Variants in DPP10 observed in about 807,000 individuals in gnomAD.
The protein encoded by DPP10 is inactive dipeptidyl peptidase 10.
Under a neutral mutation model 120.9 loss-of-function variants are expected in DPP10, and 33 were observed. The observed-to-expected ratio is 0.27, with a 90% CI of 0.21 to 0.37. The LOEUF (loss-of-function observed/expected upper bound fraction) is 0.37, where lower values mean the gene tolerates loss of function less well. DPP10 is among the 10% of genes least tolerant of loss of function. DPP10 has a pLI of 1.00. For missense variants in DPP10, 816 were observed against 942.8 expected (o/e 0.87, Z 1.76); for synonymous variants, 337 against 326.1 (o/e 1.03, Z -0.36).
intron 1 of DPP10, among the ~76,000 whole-genome samples, chr2:115,152,425 T>C (rs1244412508): frequency 1.3e-5 from 2 of 152,228 alleles, no homozygotes; most frequent in African/African-American, 4.8e-5. Context: ...TTTACATACA[T>C]GGCATTTGAC....
chr2:114,969,684 A>G (rs913877670), intron 1 of DPP10, among the ~76,000 whole-genome samples: 3 of 152,148 alleles, frequency 2.0e-5, no homozygotes, highest in Non-Finnish European at 4.4e-5. Context: ...TGGTGAATGC[A>G]ATGTGAATGG....
intron 1 of DPP10, among the ~76,000 whole-genome samples, chr2:115,019,597 G>T (rs1462680623): frequency 6.6e-6 from 1 of 152,152 alleles, no homozygotes; most frequent in East Asian, 1.9e-4. Flanking sequence ...ATCTTTGAGG[G>T]TATAATTGAG....
chr2:114,770,451 A>G lies in DPP10; in HGVS notation c.60+327613A>G, dbSNP rs1426493052. Among the ~76,000 whole-genome samples the G allele has an allele frequency of 3.3e-5, 5 of 152,326 alleles. No homozygotes were observed. The East Asian group carries it at 9.7e-4, about 29-fold the overall frequency. ...AGTAATACTTCAACTAGATGGAAACATGAGAAATGGGGACATTCACACAAT... is the reference window on the plus strand; with the variant it reads ...AGTAATACTTCAACTAGATGGAAACGTGAGAAATGGGGACATTCACACAAT... On this transcript the variant is annotated intron_variant, in intron 1 of 25. Coordinates refer to ENST00000410059, the MANE Select transcript of DPP10 (RefSeq NM_020868.6).
At chr2:115,627,987 T>A (rs909000049) in intron 5 of DPP10, among the ~76,000 whole-genome samples, 1 of 152,296 alleles carries the variant, frequency 6.6e-6, no homozygotes, top group South Asian at 2.1e-4. Flanking sequence ...TGCACATGCA[T>A]GTATCCCAGT....
intron 1 of DPP10, among the ~76,000 whole-genome samples, chr2:115,152,606 A>G (rs1015605562): frequency 6.6e-6 from 1 of 152,168 alleles, no homozygotes; most frequent in African/African-American, 2.4e-5. Context: ...ATATCTGTTT[A>G]CCTGGAAACA....
rs540802323 is a variant in DPP10 at position 114,975,652 on chromosome 2, C to T, written c.61-333587C>T. 1.5e-3 allele frequency among the ~76,000 whole-genome samples: 235 copies of T among 151,852 alleles called. 1 individual carries two copies. Among genetic ancestry groups the T allele is most frequent in the African/African-American group, 4.5e-3 (188 of 41,408 alleles). On this transcript the variant is annotated intron_variant, in intron 1 of 25. Transcript: ENST00000410059. Reference sequence around the variant, plus strand: ...TGAACAATTGCTTTATTTATTTATTCATTTATTTATTTATTTGTGATGGAG... The same window carrying T: ...TGAACAATTGCTTTATTTATTTATTTATTTATTTATTTATTTGTGATGGAG...
chr2:114,847,304 T>C (rs1688619509), intron 1 of DPP10, among the ~76,000 whole-genome samples: 1 of 152,148 alleles, frequency 6.6e-6, no homozygotes, highest in African/African-American at 2.4e-5. Context: ...CTGGTCACCC[T>C]GATCTTCTCC....
intron 5 of DPP10, among the ~76,000 whole-genome samples, chr2:115,654,754 C>A (rs1434575993): frequency 6.6e-6 from 1 of 151,748 alleles, no homozygotes; most frequent in Non-Finnish European, 1.5e-5. Context: ...ATAAACCAAT[C>A]AATATCTCTC....
chr2:115,514,314 C>A (rs913484450), intron 4 of DPP10, among the ~76,000 whole-genome samples: 3 of 151,588 alleles, frequency 2.0e-5, no homozygotes, highest in Non-Finnish European at 3.0e-5. Flanking sequence ...TATGTTTTAT[C>A]AAATCGAGAA....
At chr2:115,664,711 C>A (rs557916144) in intron 5 of DPP10, among the ~76,000 whole-genome samples, 4 of 152,126 alleles carry the variant, frequency 2.6e-5, no homozygotes, top group Non-Finnish European at 5.9e-5. Context: ...CTCTCTTACC[C>A]CAACTGGGTT....
chr2:115,202,761 G>C (rs2055830513), intron 1 of DPP10, among the ~76,000 whole-genome samples: 1 of 152,174 alleles, frequency 6.6e-6, no homozygotes, highest in Non-Finnish European at 1.5e-5. Flanking sequence ...TATGGCTAGT[G>C]TGACTGAATT....
chr2:115,409,438 A>G (rs1274651018), intron 3 of DPP10, among the ~76,000 whole-genome samples: 2 of 152,208 alleles, frequency 1.3e-5, no homozygotes, highest in Non-Finnish European at 2.9e-5. Context: ...TGATTAGGGA[A>G]ATGCAAAGCA....
intron 5 of DPP10, among the ~76,000 whole-genome samples, chr2:115,644,121 A>T (rs1040141832): frequency 1.3e-5 from 2 of 151,984 alleles, no homozygotes; most frequent in Admixed American, 1.3e-4. Flanking sequence ...AAACTTAACC[A>T]TGTCTAACCC....
At chr2:114,910,171 CACAT>C (rs1369170636) in intron 1 of DPP10, among the ~76,000 whole-genome samples, 1 of 151,772 alleles carries the variant, frequency 6.6e-6, no homozygotes, top group Non-Finnish European at 1.5e-5. Flanking sequence ...TGTATACACA[CACAT>C]ATAATTTATA....
At chr2:115,361,973 T>G (rs1347275901) in intron 3 of DPP10, among the ~76,000 whole-genome samples, 1 of 140,970 alleles carries the variant, frequency 7.1e-6, no homozygotes, top group African/African-American at 2.5e-5. Context: ...TGTTTTTGCA[T>G]GTATGTTTGT....
chr2:114,765,657 A>G (rs1680645999), intron 1 of DPP10, among the ~76,000 whole-genome samples: 1 of 152,198 alleles, frequency 6.6e-6, no homozygotes, highest in Non-Finnish European at 1.5e-5. Context: ...AACGGCCTAA[A>G]CACACAATAA....
intron 1 of DPP10, among the ~76,000 whole-genome samples, chr2:114,528,661 T>A (rs1445561496): frequency 6.6e-6 from 1 of 151,038 alleles, no homozygotes; most frequent in African/African-American, 2.4e-5. Context: ...TCAACATTCA[T>A]ACTAGATGGT....
chr2:114,608,124 C>T (rs1213819493), intron 1 of DPP10, among the ~76,000 whole-genome samples: 1 of 152,190 alleles, frequency 6.6e-6, no homozygotes, highest in African/African-American at 2.4e-5. Context: ...CTGGTCCTGA[C>T]TAAGAGACTT....
intron 21 of DPP10, among the ~76,000 whole-genome samples, chr2:115,827,318 C>CATGTAT (rs70941100): frequency 0.21 from 29,073 of 137,486 alleles, 3,337 homozygotes; most frequent in Non-Finnish European, 0.23. Flanking sequence ...TACACATGTA[C>CATGTAT]ATGTATATGT....
Sources: gnomAD v4.1 joint callset for allele counts (sites outside exome capture counted in the v4.1 genomes callset) on GRCh38, gnomAD v4.1.1 for gene constraint, MANE v1.5 for transcripts, NCBI Gene and HGNC (gene_info 2026-07-23, HGNC 2026-07-21) for gene names.